Variants in SYN3 observed in about 807,000 individuals in gnomAD.
SYN3 encodes the protein synapsin-3.
Under a neutral mutation model 65.8 loss-of-function variants are expected in SYN3, and 35 were observed. The observed-to-expected ratio is 0.53, with a 90% CI of 0.41 to 0.70. The LOEUF (loss-of-function observed/expected upper bound fraction) is 0.70, where lower values mean the gene tolerates loss of function less well. Ranked by LOEUF, SYN3 falls within the 30% of genes least tolerant of loss-of-function variation. The pLI is 0.00. For synonymous variants in SYN3, 270 were observed against 292.9 expected (o/e 0.92, Z 0.80); for missense variants, 680 against 749.0 (o/e 0.91, Z 1.08).
intron 6 of SYN3, among the ~76,000 whole-genome samples, chr22:32,786,685 T>C (rs1481646118): frequency 2.0e-5 from 3 of 152,086 alleles, no homozygotes; most frequent in African/African-American, 7.2e-5. Context: ...TTAAACAACC[T>C]AAAGGAGGGG....
rs528762634 is a variant in SYN3 at position 32,512,118 on chromosome 22, C to G, written c.*1574G>C. ...GGTCTCTGGCCCTGACGTCACCACTCCAGTTTGGTTTTGAAGGACCAAAAA... is the reference window on the plus strand; with the variant it reads ...GGTCTCTGGCCCTGACGTCACCACTGCAGTTTGGTTTTGAAGGACCAAAAA... On this transcript the variant is annotated 3_prime_UTR_variant, in exon 14 of 14. Transcript: ENST00000358763. 5.3e-5 allele frequency among the ~76,000 whole-genome samples: 8 copies of G among 152,328 alleles called. No individual in the cohort carries two copies. In the South Asian group the frequency reaches 1.5e-3, roughly 28 times the overall value.
chr22:32,709,150 C>G (rs910801509), intron 6 of SYN3, among the ~76,000 whole-genome samples: 1 of 152,156 alleles, frequency 6.6e-6, no homozygotes, highest in Non-Finnish European at 1.5e-5. Flanking sequence ...GTTCTGTGCC[C>G]GGGGGAAAAT....
intron 1 of SYN3, among the ~76,000 whole-genome samples, chr22:33,050,717 C>T (rs2054151520): frequency 1.3e-5 from 2 of 152,156 alleles, no homozygotes; most frequent in African/African-American, 4.8e-5. Context: ...TCCAGCCCCA[C>T]CATTATCCTG....
intron 2 of SYN3, among the ~76,000 whole-genome samples, chr22:32,992,134 G>A (rs1360032859): frequency 3.3e-5 from 5 of 152,366 alleles, no homozygotes; most frequent in African/African-American, 7.2e-5. Flanking sequence ...CAAGTGAAAC[G>A]CTGAAACTCC....
intron 6 of SYN3, among the ~76,000 whole-genome samples, chr22:32,816,049 C>T (rs572599144): frequency 7.2e-5 from 11 of 152,188 alleles, no homozygotes; most frequent in African/African-American, 2.7e-4. Flanking sequence ...AAAGCAGGCT[C>T]GTCTCCTCTG....
intron 7 of SYN3, among the ~76,000 whole-genome samples, chr22:32,565,075 T>G (rs34253295): frequency 1.1e-4 from 15 of 131,586 alleles, no homozygotes; most frequent in South Asian, 2.4e-4. Flanking sequence ...CAGTGCTCCC[T>G]GACTGTACAC....
chr22:32,903,417 A>G (rs1187141055), intron 4 of SYN3, among the ~76,000 whole-genome samples: 1 of 152,194 alleles, frequency 6.6e-6, no homozygotes, highest in South Asian at 2.1e-4. Context: ...ACCTACTTAT[A>G]TATAGTACAG....
intron 6 of SYN3, among the ~76,000 whole-genome samples, chr22:32,650,393 AGTAGCTG>A: frequency 6.6e-6 from 1 of 151,590 alleles, no homozygotes; most frequent in Non-Finnish European, 1.5e-5. Flanking sequence ...CAGCCTCCCG[AGTAGCTG>A]GTACCACAGG....
intron 6 of SYN3, among the ~76,000 whole-genome samples, chr22:32,853,211 A>G (rs2048271776): frequency 6.6e-6 from 1 of 152,228 alleles, no homozygotes; most frequent in South Asian, 2.1e-4. Context: ...TTCCTGCCTT[A>G]GGACTCTCAT....
At chr22:32,618,220 T>C (rs917579266) in intron 6 of SYN3, among the ~76,000 whole-genome samples, 1 of 152,038 alleles carries the variant, frequency 6.6e-6, no homozygotes, top group South Asian at 2.1e-4. Flanking sequence ...AGCCCCTCAA[T>C]AAATGTTCGG....
intron 6 of SYN3, among the ~76,000 whole-genome samples, chr22:32,623,109 T>G (rs1040400581): frequency 4.0e-5 from 6 of 151,804 alleles, no homozygotes; most frequent in Non-Finnish European, 7.4e-5. Context: ...GGAAGGAGCA[T>G]GAAAGTGAGA....
intron 6 of SYN3, among the ~76,000 whole-genome samples, chr22:32,638,007 G>A (rs1370708243): frequency 6.6e-6 from 1 of 152,076 alleles, no homozygotes. Context: ...GACTATTGTT[G>A]TCATCTTTAT....
At chr22:32,582,134 G>C (rs1001576698) in intron 7 of SYN3, among the ~76,000 whole-genome samples, 1 of 152,060 alleles carries the variant, frequency 6.6e-6, no homozygotes, top group Non-Finnish European at 1.5e-5. Context: ...TGGAAATCAG[G>C]CTTCCCTGGC....
At chr22:32,977,541 C>A (rs2052238356) in intron 3 of SYN3, among the ~76,000 whole-genome samples, 1 of 152,026 alleles carries the variant, frequency 6.6e-6, no homozygotes, top group African/African-American at 2.4e-5. Flanking sequence ...GTCAAGAGAT[C>A]GAGACCATCC....
At chr22:32,601,801 G>T (rs2059287869) in intron 6 of SYN3, among the ~76,000 whole-genome samples, 2 of 152,166 alleles carry the variant, frequency 1.3e-5, no homozygotes, top group Admixed American at 6.5e-5. Context: ...CTGTGGGCAG[G>T]ATGGATTTGT....
chr22:32,836,602 A>G (rs896531080), intron 6 of SYN3, among the ~76,000 whole-genome samples: 1 of 152,100 alleles, frequency 6.6e-6, no homozygotes, highest in Non-Finnish European at 1.5e-5. Flanking sequence ...GGGCTTGAAG[A>G]CCTATGTATG....
rs562360747 is a variant in SYN3 at position 32,920,111 on chromosome 22, T to C, written c.461+11279A>G. ...CTGGCTCCTGCTCTTCAGCCCTCTC[T>C]GAGGTCTGACCTTCTAATGAGCGGA... On this transcript the variant is annotated intron_variant, in intron 4 of 13. Transcript: ENST00000358763. Among the ~76,000 whole-genome samples, 116 of 152,336 alleles carry C rather than the reference T, an allele frequency of 7.6e-4. 3 individuals are homozygous for C. The South Asian group carries it at 0.011, about 14-fold the overall frequency.
intron 4 of SYN3, among the ~76,000 whole-genome samples, chr22:32,886,293 C>T (rs987319944): frequency 5.3e-5 from 8 of 152,156 alleles, no homozygotes; most frequent in South Asian, 2.1e-4. Context: ...TCTGCGAGGT[C>T]GTGAGAATGT....
At chr22:32,955,664 G>A (rs940291714) in intron 3 of SYN3, among the ~76,000 whole-genome samples, 2 of 152,056 alleles carry the variant, frequency 1.3e-5, no homozygotes, top group Admixed American at 6.5e-5. Flanking sequence ...CACTTGTGAT[G>A]GTTAATACTG....
Sources: gnomAD v4.1 joint callset for allele counts (sites outside exome capture counted in the v4.1 genomes callset) on GRCh38, gnomAD v4.1.1 for gene constraint, MANE v1.5 for transcripts, NCBI Gene and HGNC (gene_info 2026-07-23, HGNC 2026-07-21) for gene names.